The following SKAP2 variants were observed in gnomAD, a reference collection of about 807,000 sequenced individuals.
SKAP2 encodes src kinase associated phosphoprotein 2, also known as src kinase-associated phosphoprotein 2.
Under a neutral mutation model 54.9 loss-of-function variants are expected in SKAP2, and 28 were observed. That is an observed-to-expected ratio of 0.51 (90% CI 0.38 to 0.70). The LOEUF is 0.70. Among genes scored for constraint, SKAP2 ranks in the 30% least tolerant of loss-of-function variants. The probability of loss-of-function intolerance (pLI) is 0.00; values close to 1 mark genes in which losing one functional copy is unlikely to be tolerated. For synonymous variants in SKAP2, 137 were observed against 134.3 expected (o/e 1.02, Z -0.14); for missense variants, 356 against 424.1 (o/e 0.84, Z 1.41).
chr7:26,708,091 T>C (rs1160887841), intron 9 of SKAP2, among the ~76,000 whole-genome samples: 1 of 152,118 alleles, frequency 6.6e-6, no homozygotes, highest in Non-Finnish European at 1.5e-5. Context: ...TGTGGCCAGC[T>C]CTAACAGAAG....
intron 3 of SKAP2, among the ~76,000 whole-genome samples, chr7:26,849,796 T>C (rs945887226): frequency 6.6e-6 from 1 of 150,882 alleles, no homozygotes; most frequent in Admixed American, 6.6e-5. Flanking sequence ...TAATAATTGA[T>C]CATTTTCCCC....
chr7:26,737,216 A>G lies in SKAP2; in HGVS notation c.469+1579T>C, dbSNP rs982345812. ...TTTGTGGAAGGTAGTATCTCGATCT[A>G]AATTCACAATATCATACAAAACTAT... On this transcript the variant is annotated intron_variant, in intron 6 of 12. Transcript: ENST00000345317. 4.9e-4 allele frequency among the ~76,000 whole-genome samples: 74 copies of G among 152,324 alleles called. 1 individual carries two copies. Among genetic ancestry groups the G allele is most frequent in the Middle Eastern group, 6.8e-3 (2 of 294 alleles).
intron 4 of SKAP2, among the ~76,000 whole-genome samples, chr7:26,803,968 G>A (rs948878532): frequency 8.5e-5 from 13 of 152,080 alleles, no homozygotes; most frequent in African/African-American, 2.2e-4. Flanking sequence ...TATCAGAGGC[G>A]AGGAAGAGTA....
chr7:26,655,640 A>C, the SKAP2 span, among the ~76,000 whole-genome samples: 2 of 152,212 alleles, frequency 1.3e-5, no homozygotes, highest in South Asian at 4.1e-4. Flanking sequence ...TGGTTATATC[A>C]ATCTATTTCT....
downstream of SKAP2, chr7:26,666,974 T>C (rs1009269350): frequency 1.4e-4 from 22 of 152,230 alleles, no homozygotes; most frequent in African/African-American, 5.3e-4. Context: ...TTGTGCTTAA[T>C]TACTACAATC....
chr7:26,833,086 C>T (rs1475752715), intron 4 of SKAP2, among the ~76,000 whole-genome samples: 2 of 152,062 alleles, frequency 1.3e-5, no homozygotes, highest in East Asian at 1.9e-4. Context: ...ACTCTAGACT[C>T]CCTACCACCC....
intron 4 of SKAP2, among the ~76,000 whole-genome samples, chr7:26,829,762 G>A (rs1467359460): frequency 1.3e-5 from 2 of 152,160 alleles, no homozygotes; most frequent in Admixed American, 1.3e-4. Flanking sequence ...AAGTGTTGAA[G>A]AGAATTGTGG....
chr7:26,797,910 T>A (rs752448424), intron 4 of SKAP2, among the ~76,000 whole-genome samples: 6 of 151,734 alleles, frequency 4.0e-5, no homozygotes, highest in Admixed American at 6.6e-5. Flanking sequence ...ATTGGCATAC[T>A]GAAGAATGCA....
intron 4 of SKAP2, among the ~76,000 whole-genome samples, chr7:26,807,273 C>G (rs1222366663): frequency 2.6e-5 from 4 of 152,178 alleles, no homozygotes; most frequent in Non-Finnish European, 5.9e-5. Context: ...TGTGTCTCCA[C>G]CCAAATCTCA....
chr7:26,825,562 G>T (rs1217634062), intron 4 of SKAP2, among the ~76,000 whole-genome samples: 1 of 124,010 alleles, frequency 8.1e-6, no homozygotes, highest in Admixed American at 8.6e-5. Flanking sequence ...AGAATATAAT[G>T]GCCAAACAGC....
At position 26,727,008 on chromosome 7, in the gene SKAP2, T is replaced by G; in HGVS notation, c.470-2A>C. ...CAAATTCACCTTTCTGTTGTTTGTC[T>G]GTTGAAGATAAAACCAGTTAGAATT... On this transcript the variant is annotated splice_acceptor_variant, in intron 6 of 12. Transcript: ENST00000345317. LOFTEE classifies it high-confidence loss of function. 2.5e-6 allele frequency: 4 copies of G among 1,592,586 alleles called. No homozygotes were observed. The highest frequency in any genetic ancestry group is 3.4e-6 in the Non-Finnish European group (4 of 1,171,646).
intron 7 of SKAP2, among the ~76,000 whole-genome samples, chr7:26,726,337 T>C (rs1420029314): frequency 6.6e-6 from 1 of 152,180 alleles, no homozygotes; most frequent in Admixed American, 6.5e-5. Context: ...AAAAATGTTC[T>C]TGTCAGATTC....
At chr7:26,852,259 T>G (rs1179642875) in intron 3 of SKAP2, among the ~76,000 whole-genome samples, 12 of 152,184 alleles carry the variant, frequency 7.9e-5, no homozygotes, top group Admixed American at 7.9e-4. Context: ...AAATTCCTAT[T>G]TTTAAAAAAG....
chr7:26,824,135 TA>T (rs1020436447), intron 4 of SKAP2, among the ~76,000 whole-genome samples: 9 of 121,796 alleles, frequency 7.4e-5, no homozygotes, highest in Non-Finnish European at 1.3e-4. Flanking sequence ...TTGCTGTCTT[TA>T]TTTAAGAAAC....
intron 9 of SKAP2, among the ~76,000 whole-genome samples, chr7:26,709,104 G>C (rs764363337): frequency 1.3e-5 from 2 of 152,152 alleles, no homozygotes; most frequent in Non-Finnish European, 2.9e-5. Flanking sequence ...ACATGTGTTG[G>C]GTTACTGTCT....
intron 9 of SKAP2, among the ~76,000 whole-genome samples, chr7:26,691,095 G>A (rs936513992): frequency 3.3e-5 from 5 of 152,048 alleles, no homozygotes; most frequent in African/African-American, 1.2e-4. Context: ...GACTCAAAAA[G>A]GTGAAGTAAC....
At chr7:26,750,309 C>A in intron 4 of SKAP2, among the ~76,000 whole-genome samples, 1 of 126,502 alleles carries the variant, frequency 7.9e-6, no homozygotes, top group African/African-American at 3.1e-5. Context: ...CCTAATATAC[C>A]ATACTTTTTT....
At chr7:26,739,788 A>G (rs1782390325) in intron 5 of SKAP2, 99 bp downstream of exon 5, 2 of 783,500 alleles carry the variant, frequency 2.6e-6, no homozygotes, top group Non-Finnish European at 4.1e-6. Context: ...AAACTCTTTA[A>G]TCACCTAAAA....
chr7:26,837,491 C>T (rs1027296925), intron 4 of SKAP2, among the ~76,000 whole-genome samples: 3 of 151,966 alleles, frequency 2.0e-5, no homozygotes, highest in African/African-American at 4.8e-5. Context: ...GGTAAAAGAA[C>T]AAGAGACAGA....
Sources: gnomAD v4.1 joint callset for allele counts (sites outside exome capture counted in the v4.1 genomes callset) on GRCh38, gnomAD v4.1.1 for gene constraint, MANE v1.5 for transcripts, NCBI Gene and HGNC (gene_info 2026-07-23, HGNC 2026-07-21) for gene names.